The following LTBP1 variants were observed in gnomAD, a reference collection of about 807,000 sequenced individuals.
LTBP1 encodes the protein latent transforming growth factor beta binding protein 1, also known as latent-transforming growth factor beta-binding protein 1.
In LTBP1, 129 loss-of-function variants were observed where a neutral mutation model predicts 207.6. The ratio of observed to expected loss-of-function variants is 0.62; its 90% CI spans 0.54 to 0.72. The LOEUF (loss-of-function observed/expected upper bound fraction) is 0.72, where lower values mean the gene tolerates loss of function less well. LTBP1 is among the 30% of genes least tolerant of loss of function. The pLI, the probability that LTBP1 is intolerant of heterozygous loss-of-function variation, is 0.00. For synonymous variants in LTBP1, 963 were observed against 833.7 expected (o/e 1.16, Z -2.67); for missense variants, 2,281 against 2,217.2 (o/e 1.03, Z -0.58).
intron 9 of LTBP1, among the ~76,000 whole-genome samples, chr2:33,222,559 C>G (rs1371214758): frequency 6.6e-6 from 1 of 152,194 alleles, no homozygotes; most frequent in Non-Finnish European, 1.5e-5. Context: ...CTCCTCTCAT[C>G]AAAATGTTGT....
At chr2:33,305,183 G>A (rs1426895163) in intron 22 of LTBP1, among the ~76,000 whole-genome samples, 4 of 152,084 alleles carry the variant, frequency 2.6e-5, no homozygotes, top group South Asian at 2.1e-4. Context: ...AATTATCTGG[G>A]TGTGGCGGCG....
At chr2:33,171,737 A>G (rs1226478893) in intron 5 of LTBP1, among the ~76,000 whole-genome samples, 1 of 152,130 alleles carries the variant, frequency 6.6e-6, no homozygotes, top group Non-Finnish European at 1.5e-5. Flanking sequence ...GAAGGAACAA[A>G]TGTTAAGGGC....
At chr2:33,064,337 A>AT (rs1203002816) in intron 3 of LTBP1, among the ~76,000 whole-genome samples, 3 of 152,192 alleles carry the variant, frequency 2.0e-5, no homozygotes, top group African/African-American at 7.2e-5. Context: ...AAGGTTTGAG[A>AT]TTTTATCTTG....
intron 7 of LTBP1, among the ~76,000 whole-genome samples, chr2:33,194,519 C>G (rs936892613): frequency 2.0e-5 from 3 of 152,194 alleles, no homozygotes; most frequent in Non-Finnish European, 4.4e-5. Context: ...CTAGAACCAG[C>G]CACAACATTC....
chr2:32,956,786 C>T (rs1678142570), intron 2 of LTBP1, among the ~76,000 whole-genome samples: 1 of 150,396 alleles, frequency 6.6e-6, no homozygotes, highest in Non-Finnish European at 1.5e-5. Context: ...CAGCTATAGC[C>T]TTATGAAATG....
At chr2:33,068,529 T>C (rs942127187) in intron 3 of LTBP1, among the ~76,000 whole-genome samples, 8 of 152,224 alleles carry the variant, frequency 5.3e-5, no homozygotes, top group Non-Finnish European at 1.2e-4. Flanking sequence ...TAATGGCATG[T>C]ATCTGCCATT....
rs61754246 is a variant in LTBP1 at position 33,275,796 on chromosome 2, C to T, written c.2870-5C>T. The T allele has an allele frequency of 0.013, 20,282 of 1,613,864 alleles. 150 individuals carry two copies. The highest frequency in any genetic ancestry group is 0.014 in the Non-Finnish European group (16,930 of 1,179,860). On this transcript the variant is annotated splice_region_variant and splice_polypyrimidine_tract_variant and intron_variant, in intron 17 of 33. Transcript: ENST00000404816. The stretch of plus-strand genomic sequence containing the variant: ...AAACTCAACAATGCTATCTGCTCTT[C>T]GTAGATGTTGACGAATGCCTGAGGC...
rs555822417 is a variant in LTBP1 at position 33,170,334 on chromosome 2, G to A, written c.1202-16522G>A. On this transcript the variant is annotated intron_variant, in intron 5 of 33. Coordinates refer to ENST00000404816, the MANE Select transcript of LTBP1 (RefSeq NM_206943.4). ...CGCTTTTCCGACGGGCTTAAAAAAC[G>A]GCGCACCACGAGATTATATCCCGCA... 2.6e-5 allele frequency among the ~76,000 whole-genome samples: 4 copies of A among 151,916 alleles called. No homozygotes were observed. The South Asian group carries it at 6.3e-4, about 24-fold the overall frequency.
intron 3 of LTBP1, among the ~76,000 whole-genome samples, chr2:33,034,864 A>G (rs1287581697): frequency 6.6e-6 from 1 of 152,222 alleles, no homozygotes; most frequent in African/African-American, 2.4e-5. Flanking sequence ...ATAAAAAAAA[A>G]AGGATGCAAT....
At chr2:33,084,457 C>T (rs564345420) in intron 3 of LTBP1, among the ~76,000 whole-genome samples, 2 of 152,218 alleles carry the variant, frequency 1.3e-5, no homozygotes, top group South Asian at 4.1e-4. Context: ...TGTAGCAGTT[C>T]ATGCAGAGGA....
intron 24 of LTBP1, among the ~76,000 whole-genome samples, chr2:33,332,563 A>T (rs921033036): frequency 6.8e-5 from 10 of 146,370 alleles, no homozygotes; most frequent in African/African-American, 1.7e-4. Context: ...TATTTATTTA[A>T]TTTTTTTTTT....
At chr2:33,161,051 C>G (rs1438935346) in intron 5 of LTBP1, among the ~76,000 whole-genome samples, 1 of 152,114 alleles carries the variant, frequency 6.6e-6, no homozygotes, top group Non-Finnish European at 1.5e-5. Flanking sequence ...AGTATTGACT[C>G]TGCCATTTAT....
At chr2:33,354,799 T>C (rs2094836263) in intron 26 of LTBP1, among the ~76,000 whole-genome samples, 1 of 151,984 alleles carries the variant, frequency 6.6e-6, no homozygotes, top group Non-Finnish European at 1.5e-5. Context: ...TGGAGTGTAG[T>C]GTACGATCAT....
At position 33,351,116 on chromosome 2, in the gene LTBP1, A is replaced by G. The variant is rs73925699; in HGVS notation, c.4000+3606A>G. Among the ~76,000 whole-genome samples, 701 of 152,332 alleles carry G rather than the reference A, an allele frequency of 4.6e-3. 2 individuals are homozygous for G. Among genetic ancestry groups the G allele is most frequent in the African/African-American group, 0.016 (647 of 41,580 alleles). ...AATTCTTCACTTTACTCAATAATTT[A>G]TCATAGGATTTCTTTAAATATCAGT... On this transcript the variant is annotated intron_variant, in intron 26 of 33. Coordinates refer to ENST00000404816, the MANE Select transcript of LTBP1 (RefSeq NM_206943.4).
intron 31 of LTBP1, among the ~76,000 whole-genome samples, chr2:33,386,124 A>G (rs2095263640): frequency 1.3e-5 from 2 of 152,190 alleles, no homozygotes; most frequent in Non-Finnish European, 2.9e-5. Context: ...CCAAAAAACA[A>G]CTTAGTTTTC....
chr2:33,365,290 G>T, intron 30 of LTBP1, 43 bp from the exon 31 acceptor site: 1 of 1,560,118 alleles, frequency 6.4e-7, no homozygotes, highest in Non-Finnish European at 8.8e-7. Flanking sequence ...TTATAAATAG[G>T]AATAACTGTG....
chr2:33,171,897 C>G (rs1214350506), intron 5 of LTBP1, among the ~76,000 whole-genome samples: 1 of 152,082 alleles, frequency 6.6e-6, no homozygotes, highest in Non-Finnish European at 1.5e-5. Flanking sequence ...ATTTCATATC[C>G]AGCCAAACTA....
chr2:33,352,064 C>T (rs2149840137), intron 26 of LTBP1, among the ~76,000 whole-genome samples: 1 of 152,286 alleles, frequency 6.6e-6, no homozygotes, highest in East Asian at 1.9e-4. Flanking sequence ...TCTTGTAAGC[C>T]TCTCTGGCTG....
At chr2:32,999,958 A>G (rs973113318) in intron 2 of LTBP1, among the ~76,000 whole-genome samples, 6 of 134,516 alleles carry the variant, frequency 4.5e-5, no homozygotes, top group African/African-American at 1.6e-4. Context: ...TGCTTCTCAC[A>G]CCTGATGTAT....
Sources: allele counts gnomAD v4.1 joint callset (sites outside exome capture counted in the v4.1 genomes callset), GRCh38; gene constraint gnomAD v4.1.1; transcripts MANE v1.5; gene names NCBI Gene and HGNC (gene_info 2026-07-23, HGNC 2026-07-21).